Variants in GPC5 observed in about 807,000 individuals in gnomAD.
The protein encoded by GPC5 is glypican 5.
In GPC5, 47 loss-of-function variants were observed where a neutral mutation model predicts 53.9. The ratio of observed to expected loss-of-function variants is 0.87; its 90% confidence interval spans 0.69 to 1.11. The LOEUF (loss-of-function observed/expected upper bound fraction) is 1.11. GPC5 is among the 50% of genes most tolerant of loss of function. The pLI is 0.00. For synonymous variants in GPC5, 286 were observed against 263.3 expected (o/e 1.09, Z -0.84); for missense variants, 748 against 713.1 (o/e 1.05, Z -0.56).
chr13:91,929,192 T>C (rs1391506400), intron 6 of GPC5, among the ~76,000 whole-genome samples: 1 of 152,162 alleles, frequency 6.6e-6, no homozygotes. Context: ...TTTATTCATT[T>C]ACTGTACATA....
chr13:92,087,529 A>G (rs979322573), intron 6 of GPC5, among the ~76,000 whole-genome samples: 1 of 152,214 alleles, frequency 6.6e-6, no homozygotes, highest in Non-Finnish European at 1.5e-5. Context: ...TTTTGTTTTC[A>G]GGAAATGACA....
chr13:92,359,665 A>G (rs902606183), intron 7 of GPC5, among the ~76,000 whole-genome samples: 24 of 151,870 alleles, frequency 1.6e-4, no homozygotes, highest in Admixed American at 1.6e-3. Flanking sequence ...TGGGAAACTT[A>G]CAATCATGGC....
At chr13:92,669,761 C>T (rs533329645) in intron 7 of GPC5, among the ~76,000 whole-genome samples, 74 of 152,148 alleles carry the variant, frequency 4.9e-4, no homozygotes, top group Non-Finnish European at 8.4e-4. Flanking sequence ...ACACTCATTC[C>T]TCAGAGAGAA....
chr13:91,433,357 C>CACCCCCCCCCCCG (rs1879648804), intron 1 of GPC5, among the ~76,000 whole-genome samples: 1 of 139,414 alleles, frequency 7.2e-6, no homozygotes, highest in African/African-American at 2.7e-5. Flanking sequence ...CCCCTCCCCC[C>CACCCCCCCCCCCG]ACCCCACAAC....
At chr13:91,909,634 T>C (rs902568602) in intron 6 of GPC5, among the ~76,000 whole-genome samples, 1 of 152,164 alleles carries the variant, frequency 6.6e-6, no homozygotes, top group Non-Finnish European at 1.5e-5. Flanking sequence ...ATTGTTTTTA[T>C]AAGATATGCA....
At chr13:92,141,356 C>G (rs978396403) in intron 6 of GPC5, among the ~76,000 whole-genome samples, 2 of 152,084 alleles carry the variant, frequency 1.3e-5, no homozygotes, top group Non-Finnish European at 2.9e-5. Flanking sequence ...CTGGATATAT[C>G]TGAATCACGC....
chr13:92,684,181 C>T (rs1396014396), intron 7 of GPC5, among the ~76,000 whole-genome samples: 1 of 152,078 alleles, frequency 6.6e-6, no homozygotes, highest in Non-Finnish European at 1.5e-5. Context: ...AGTATATAGG[C>T]TTTCATATTG....
chr13:91,959,125 T>G (rs3906157), intron 6 of GPC5, among the ~76,000 whole-genome samples: 92,942 of 148,996 alleles, frequency 0.62, 29,413 homozygotes, highest in East Asian at 0.75. Flanking sequence ...CAGAAAGTTG[T>G]TTTTTTGAAA....
chr13:91,462,265 T>A (rs1465646985), intron 2 of GPC5, among the ~76,000 whole-genome samples: 1 of 152,122 alleles, frequency 6.6e-6, no homozygotes, highest in Non-Finnish European at 1.5e-5. Context: ...TCTGATCACA[T>A]TTGGGGGTGT....
intron 2 of GPC5, among the ~76,000 whole-genome samples, chr13:91,563,423 G>A (rs945063770): frequency 6.6e-6 from 1 of 151,976 alleles, no homozygotes; most frequent in African/African-American, 2.4e-5. Flanking sequence ...AAATGAAAAC[G>A]GTTTTAGATT....
intron 7 of GPC5, among the ~76,000 whole-genome samples, chr13:92,522,646 A>T (rs946557482): frequency 8.5e-5 from 13 of 152,298 alleles, no homozygotes; most frequent in African/African-American, 3.1e-4. Flanking sequence ...GAGGGAAAGC[A>T]TTAGGAGATA....
chr13:92,212,675 G>A (rs2042383512), intron 7 of GPC5, among the ~76,000 whole-genome samples: 1 of 152,120 alleles, frequency 6.6e-6, no homozygotes, highest in South Asian at 2.1e-4. Context: ...GGGCAAGTTG[G>A]TAAAACACTG....
At chr13:91,704,848 G>A (rs560182968) in intron 3 of GPC5, among the ~76,000 whole-genome samples, 2 of 152,330 alleles carry the variant, frequency 1.3e-5, no homozygotes, top group African/African-American at 2.4e-5. Flanking sequence ...TTCCACACCT[G>A]TGATCATTCT....
chr13:92,249,883 T>C (rs1228752842), intron 7 of GPC5, among the ~76,000 whole-genome samples: 7 of 152,132 alleles, frequency 4.6e-5, no homozygotes, highest in African/African-American at 1.7e-4. Context: ...TTACCTCTCT[T>C]AGTTTCCGGT....
chr13:92,437,704 T>C (rs1172064551), intron 7 of GPC5, among the ~76,000 whole-genome samples: 1 of 152,072 alleles, frequency 6.6e-6, no homozygotes, highest in African/African-American at 2.4e-5. Flanking sequence ...TCTTAGGTTG[T>C]GTGTTTAACT....
intron 2 of GPC5, among the ~76,000 whole-genome samples, chr13:91,604,630 T>G (rs1189729675): frequency 2.1e-5 from 3 of 142,780 alleles, no homozygotes; most frequent in South Asian, 2.3e-4. Context: ...TCCTGACTTT[T>G]TAATGATCGC....
chr13:91,542,817 GGGATTACAGGCATGCATCACC>G (rs2030028633), intron 2 of GPC5, among the ~76,000 whole-genome samples: 1 of 149,896 alleles, frequency 6.7e-6, no homozygotes, highest in Non-Finnish European at 1.5e-5. Flanking sequence ...CTGAGTAACT[GGGATTACAGGCATGCATCACC>G]ATGCCCAGCC....
chr13:91,804,133 C>T (rs1211267961), intron 5 of GPC5, among the ~76,000 whole-genome samples: 1 of 152,160 alleles, frequency 6.6e-6, no homozygotes, highest in African/African-American at 2.4e-5. Flanking sequence ...ATCAACTTGA[C>T]CCTAGGCTTC....
intron 2 of GPC5, among the ~76,000 whole-genome samples, chr13:91,475,696 G>A (rs1417243181): frequency 6.6e-6 from 1 of 152,142 alleles, no homozygotes; most frequent in Non-Finnish European, 1.5e-5. Flanking sequence ...AGATGAAGGG[G>A]AGGCAGCTAC....
Sources: allele counts gnomAD v4.1 joint callset (sites outside exome capture counted in the v4.1 genomes callset), GRCh38; gene constraint gnomAD v4.1.1; transcripts MANE v1.5; gene names NCBI Gene and HGNC (gene_info 2026-07-23, HGNC 2026-07-21).